Variants in METTL24 observed in about 807,000 individuals in gnomAD.
METTL24 encodes probable methyltransferase-like protein 24.
A neutral mutation model predicts 32.7 loss-of-function variants in METTL24; 29 were observed. The ratio of observed to expected loss-of-function variants is 0.89; its 90% CI spans 0.66 to 1.21. The LOEUF (loss-of-function observed/expected upper bound fraction) is 1.21. Ranked by LOEUF, METTL24 falls within the 50% of genes most tolerant of loss-of-function variation. The pLI, the probability that METTL24 is intolerant of heterozygous loss-of-function variation, is 0.00. For missense variants in METTL24, 439 were observed against 468.1 expected (o/e 0.94, Z 0.57); for synonymous variants, 163 against 179.5 (o/e 0.91, Z 0.73).
At chr6:110,296,670 T>C (rs1007683686) in intron 4 of METTL24, among the ~76,000 whole-genome samples, 2 of 152,220 alleles carry the variant, frequency 1.3e-5, no homozygotes, top group African/African-American at 2.4e-5. Context: ...ATAGGGAAAT[T>C]ACTACAAAAC....
intron 4 of METTL24, among the ~76,000 whole-genome samples, chr6:110,265,297 T>G (rs191503890): frequency 1.0e-3 from 158 of 152,298 alleles, no homozygotes; most frequent in African/African-American, 3.6e-3. Context: ...AATACCAGTT[T>G]GCACATTAAT....
At chr6:110,298,896 GT>G in intron 4 of METTL24, 25 bp downstream of exon 4, 2 of 1,598,238 alleles carry the variant, frequency 1.3e-6, no homozygotes, top group Non-Finnish European at 1.7e-6. Context: ...CTTTATTCAA[GT>G]ATAAAATCAA....
intron 4 of METTL24, among the ~76,000 whole-genome samples, chr6:110,275,136 T>C (rs1384325969): frequency 6.6e-6 from 1 of 151,714 alleles, no homozygotes; most frequent in Non-Finnish European, 1.5e-5. Flanking sequence ...GTCTACTCTC[T>C]CAAGAGATCT....
intron 1 of METTL24, among the ~76,000 whole-genome samples, chr6:110,335,448 A>G (rs1397697530): frequency 2.6e-5 from 4 of 152,228 alleles, no homozygotes; most frequent in Non-Finnish European, 5.9e-5. Flanking sequence ...CATTAAAGAA[A>G]AACAACCTTC....
chr6:110,342,165 A>G (rs561566964), intron 1 of METTL24, among the ~76,000 whole-genome samples: 1 of 152,314 alleles, frequency 6.6e-6, no homozygotes, highest in East Asian at 1.9e-4. Flanking sequence ...ATGCACTAGG[A>G]GGTCAGCAAG....
At chr6:110,270,962 C>T (rs1431205875) in intron 4 of METTL24, among the ~76,000 whole-genome samples, 1 of 151,392 alleles carries the variant, frequency 6.6e-6, no homozygotes, top group African/African-American at 2.4e-5. Flanking sequence ...CTCAGCCTCC[C>T]GAGTAGCTTG....
At chr6:110,352,776 A>T (rs570005120) in intron 1 of METTL24, among the ~76,000 whole-genome samples, 11 of 152,286 alleles carry the variant, frequency 7.2e-5, no homozygotes, top group Admixed American at 7.2e-4. Flanking sequence ...AAAGCATGCC[A>T]AACTCCTTAG....
At chr6:110,262,135 A>G (rs920628365) in intron 4 of METTL24, among the ~76,000 whole-genome samples, 2 of 152,226 alleles carry the variant, frequency 1.3e-5, no homozygotes, top group African/African-American at 4.8e-5. Context: ...ACTGAAGGAG[A>G]TAGAGATACA....
intron 4 of METTL24, among the ~76,000 whole-genome samples, chr6:110,259,915 GA>G (rs1397034460): frequency 2.0e-5 from 3 of 152,180 alleles, no homozygotes; most frequent in South Asian, 4.1e-4. Context: ...CTGACTGTTA[GA>G]AGGAAAACTA....
intron 4 of METTL24, among the ~76,000 whole-genome samples, chr6:110,280,208 CAA>C (rs1771113784): frequency 6.6e-6 from 1 of 152,158 alleles, no homozygotes; most frequent in Non-Finnish European, 1.5e-5. Context: ...CACACATATC[CAA>C]ACTATATCAG....
intron 1 of METTL24, among the ~76,000 whole-genome samples, chr6:110,353,734 A>C (rs1772655347): frequency 6.6e-6 from 1 of 152,116 alleles, no homozygotes; most frequent in African/African-American, 2.4e-5. Flanking sequence ...AAGCTTGGCC[A>C]CTGAGTGAGT....
rs1772744404 is a variant in METTL24 at position 110,358,308 on chromosome 6, C to T, written c.-36G>A. 2 of 1,400,618 alleles carry T rather than the reference C, an allele frequency of 1.4e-6. No homozygotes were observed. The highest frequency in any genetic ancestry group is 1.9e-6 in the Non-Finnish European group (2 of 1,078,102). The allele number at this position is 1,400,618 out of a possible 1,614,324, so 86.8% of individuals were successfully genotyped here. ...TCGGGGTCCCGCGGGCCGCGCCTGG[C>T]CGGCAGCAGGGATGTAGCCCCACAG... On this transcript the variant is annotated 5_prime_UTR_variant, in exon 1 of 5. Transcript: ENST00000338882.
intron 4 of METTL24, among the ~76,000 whole-genome samples, chr6:110,286,186 T>C (rs942508412): frequency 6.6e-6 from 1 of 152,160 alleles, no homozygotes; most frequent in Admixed American, 6.5e-5. Context: ...CTGCAGAAAC[T>C]GACAGCCAGG....
chr6:110,330,659 G>A (rs1213180268), intron 1 of METTL24, among the ~76,000 whole-genome samples: 1 of 152,122 alleles, frequency 6.6e-6, no homozygotes, highest in Admixed American at 6.5e-5. Flanking sequence ...GACTGGCCTG[G>A]GCATACATGG....
intron 2 of METTL24, among the ~76,000 whole-genome samples, chr6:110,320,146 C>T (rs753883954): frequency 6.6e-6 from 1 of 152,164 alleles, no homozygotes; most frequent in Non-Finnish European, 1.5e-5. Context: ...GCTGTACAAG[C>T]TTGAGCACAG....
chr6:110,344,779 T>C (rs4947065), intron 1 of METTL24, among the ~76,000 whole-genome samples: 137,277 of 152,264 alleles, frequency 0.9, 62,094 homozygotes, highest in African/African-American at 0.94. Flanking sequence ...CAAAAATCAA[T>C]TAAAGATGGA....
intron 4 of METTL24, among the ~76,000 whole-genome samples, chr6:110,270,837 CTTTTT>C (rs3075091): frequency 8.0e-6 from 1 of 124,724 alleles, no homozygotes; most frequent in Non-Finnish European, 1.7e-5. Flanking sequence ...CATCTTGATT[CTTTTT>C]TTTTTTTTTT....
At chr6:110,277,962 A>C (rs1447979424) in intron 4 of METTL24, among the ~76,000 whole-genome samples, 2 of 152,114 alleles carry the variant, frequency 1.3e-5, no homozygotes, top group Non-Finnish European at 2.9e-5. Context: ...TCACATGATA[A>C]ATTTTCCTCA....
At chr6:110,291,629 T>A (rs1281505930) in intron 4 of METTL24, among the ~76,000 whole-genome samples, 1 of 152,188 alleles carries the variant, frequency 6.6e-6, no homozygotes, top group Non-Finnish European at 1.5e-5. Flanking sequence ...TTGTACAGAT[T>A]ATTTCGTCAC....
Sources: allele counts gnomAD v4.1 joint callset (sites outside exome capture counted in the v4.1 genomes callset), GRCh38; gene constraint gnomAD v4.1.1; transcripts MANE v1.5; gene names NCBI Gene and HGNC (gene_info 2026-07-23, HGNC 2026-07-21).